Variants in RAPGEF3 observed in about 807,000 individuals in gnomAD.
RAPGEF3 encodes the protein Rap guanine nucleotide exchange factor 3, also known as 9330170P05Rik.
Under a neutral mutation model 129.8 loss-of-function variants are expected in RAPGEF3, and 103 were observed. The observed-to-expected ratio is 0.79, with a 90% CI of 0.68 to 0.93. RAPGEF3 has a LOEUF of 0.93. Among genes scored for constraint, RAPGEF3 ranks in the 40% least tolerant of loss-of-function variants. The pLI, the probability that RAPGEF3 is intolerant of heterozygous loss-of-function variation, is 0.00. For synonymous variants in RAPGEF3, 436 were observed against 482.6 expected (o/e 0.90, Z 1.26); for missense variants, 1,117 against 1,207.4 (o/e 0.93, Z 1.11).
At chr12:47,746,262 A>G (rs967850238) in intron 16 of RAPGEF3, 19 of 241,438 alleles carry the variant, frequency 7.9e-5, no homozygotes, top group African/African-American at 4.3e-4. Context: ...GCTGGGACAC[A>G]CAGTAGGGTG....
chr12:47,750,137 G>A (rs1200555024), intron 7 of RAPGEF3, 147 bp from the exon 8 acceptor site: 2 of 1,150,268 alleles, frequency 1.7e-6, no homozygotes, highest in Non-Finnish European at 2.6e-6. Flanking sequence ...TTCAGCAGGA[G>A]ACAAAGCAAG....
chr12:47,747,908 A>C (rs533449510), intron 13 of RAPGEF3, 46 bp from the exon 14 acceptor site: 1 of 1,596,816 alleles, frequency 6.3e-7, no homozygotes, highest in African/African-American at 1.3e-5. Flanking sequence ...AGGGCCACCC[A>C]CCTGAGGCAA....
chr12:47,749,850 T>C lies in RAPGEF3; in HGVS notation c.818-33A>G, dbSNP rs1941642282. ...AAGCATACCTCAGACCGGGCCCTCC[T>C]GGCACCTACCATTCCTTCACACATC... is the stretch of plus-strand genomic sequence containing the variant. On this transcript the variant is annotated intron_variant, in intron 8 of 27. Transcript: ENST00000449771. The surrounding 1 kb of genome is among the most constrained non-coding windows in gnomAD (Gnocchi z 4.5). 6.2e-7 allele frequency: 1 copy of C among 1,613,926 alleles called. No individual in the cohort carries two copies. Among genetic ancestry groups the C allele is most frequent in the Non-Finnish European group, 8.5e-7 (1 of 1,179,876 alleles).
intron 1 of RAPGEF3, 91 bp from the exon 2 acceptor site, chr12:47,758,169 A>G: frequency 6.7e-7 from 1 of 1,486,738 alleles, no homozygotes; most frequent in South Asian, 1.3e-5. Flanking sequence ...CTACTTCCTT[A>G]GAGTCCTCTG....
chr12:47,744,173 C>T, intron 16 of RAPGEF3, 105 bp from the exon 17 acceptor site: 1 of 898,866 alleles, frequency 1.1e-6, no homozygotes, highest in Non-Finnish European at 1.7e-6. Flanking sequence ...GGGCGCCACA[C>T]AGCATTCACA....
intron 15 of RAPGEF3, among the ~76,000 whole-genome samples, chr12:47,747,269 G>A (rs1435476173): frequency 2.0e-5 from 3 of 152,140 alleles, no homozygotes; most frequent in Admixed American, 2.0e-4. Context: ...TGGCACTGAG[G>A]GTATTTGGTA....
At position 47,740,751 on chromosome 12, in the gene RAPGEF3, T is replaced by A. The variant is rs1941106185; in HGVS notation, c.2122A>T (p.Met708Leu). The A allele has an allele frequency of 6.8e-6, 11 of 1,613,906 alleles. No individual in the cohort carries two copies. Among genetic ancestry groups the A allele is most frequent in the Non-Finnish European group, 9.3e-6 (11 of 1,179,986 alleles). The change falls in exon 21 of 28, where the codon ATG becomes TTG. Residue 708 changes from methionine (M) to leucine (L), a missense_variant. Met to Leu is a conservative substitution (Grantham distance 15). Coordinates refer to ENST00000449771, the MANE Select transcript of RAPGEF3 (RefSeq NM_001098531.4). ...TACTGCAGCTCATTGAAGCGGCGCA[T>A]GAAGCGCTCCAGGTTGGCGGTGGTG... ...DVTTANLERF[M>L]RRFNELQYWV...
At chr12:47,748,961 C>T (rs757632032) in intron 10 of RAPGEF3, 30 bp from the exon 11 acceptor site, 32 of 1,537,146 alleles carry the variant, frequency 2.1e-5, no homozygotes, top group Non-Finnish European at 2.8e-5. Context: ...CCATGCTCAA[C>T]TCATGATGTT....
chr12:47,741,734 T>TATTCTGAGCACCACCCA, intron 18 of RAPGEF3, 132 bp from the exon 19 acceptor site: 2 of 732,198 alleles, frequency 2.7e-6, no homozygotes, highest in Non-Finnish European at 4.7e-6. Context: ...AAGTCCTGGG[T>TATTCTGAGCACCACCCA]GGTGCTCAGA....
At position 47,751,760 on chromosome 12, in the gene RAPGEF3, G is replaced by A. The variant is rs1446586393; in HGVS notation, c.343C>T (p.Leu115Phe). 9.3e-6 allele frequency: 15 copies of A among 1,613,786 alleles called. No individual in the cohort carries two copies. Among genetic ancestry groups the A allele is most frequent in the Non-Finnish European group, 1.3e-5 (15 of 1,180,038 alleles). The change falls in exon 4 of 28, where the codon CTC (leucine) becomes TTC (phenylalanine). Residue 115 changes from leucine (L) to phenylalanine (F), a missense_variant. Leu to Phe is a conservative substitution (Grantham distance 22). Coordinates refer to ENST00000449771, the MANE Select transcript of RAPGEF3 (RefSeq NM_001098531.4). The stretch of plus-strand genomic sequence containing the variant: ...AGGTGGTACTTCCGGTCTCGGATGA[G>A]GTTTGGGCAGGTGGCCAGCAGATGC... ...HRHLLATCPN[L>F]IRDRKYHLRL...
chr12:47,741,476 T>C, intron 19 of RAPGEF3, 29 bp downstream of exon 19: 2 of 1,589,056 alleles, frequency 1.3e-6, no homozygotes, highest in South Asian at 2.2e-5. Context: ...ATCTCCTCCC[T>C]GGGCCCTGGC....
At chr12:47,739,509 C>A (rs1247419622) in intron 23 of RAPGEF3, 3 of 642,312 alleles carry the variant, frequency 4.7e-6, no homozygotes, top group Non-Finnish European at 8.5e-6. Context: ...CTATCCCTGT[C>A]TCTTTCTGTG....
chr12:47,738,269 AAG>A, intron 25 of RAPGEF3, 22 bp from the exon 26 acceptor site: 1 of 1,612,368 alleles, frequency 6.2e-7, no homozygotes. Context: ...ACCGGGGCAT[AAG>A]CTCTTGCCTG....
intron 27 of RAPGEF3, 27 bp downstream of exon 27, chr12:47,737,995 G>GCCC: frequency 1.4e-6 from 2 of 1,464,124 alleles, no homozygotes; most frequent in Non-Finnish European, 1.9e-6. Flanking sequence ...CCCCCTCCCT[G>GCCC]CCCACCCACC....
In RAPGEF3 at chr12:47,751,030, G is replaced by A. The variant is rs1941708743; in HGVS notation, c.671+18C>T. On this transcript the variant is annotated intron_variant, in intron 6 of 27. Coordinates refer to ENST00000449771, the MANE Select transcript of RAPGEF3 (RefSeq NM_001098531.4). ...TGTGTGAGGCCTGGGGTCACGGGGT[G>A]CAGGGATTCTGACTCACGGCTTTCG... The A allele has an allele frequency of 1.3e-6, 2 of 1,593,378 alleles. No individual in the cohort carries two copies. Among genetic ancestry groups the A allele is most frequent in the South Asian group, 1.1e-5 (1 of 87,164 alleles).
At position 47,751,914 on chromosome 12, in the gene RAPGEF3, A is replaced by T; in HGVS notation, c.273+2T>A. ...CCAGCTCCACCCTGCCCAGGCTTCTACCTGCTCCAGGCTCTCGCTGAAATC... is the reference window on the plus strand; with the variant it reads ...CCAGCTCCACCCTGCCCAGGCTTCTTCCTGCTCCAGGCTCTCGCTGAAATC... On this transcript the variant is annotated splice_donor_variant, in intron 3 of 27. Coordinates refer to ENST00000449771, the MANE Select transcript of RAPGEF3 (RefSeq NM_001098531.4). LOFTEE classifies it high-confidence loss of function. The T allele has an allele frequency of 6.2e-7, 1 of 1,614,130 alleles. No homozygotes were observed. Among genetic ancestry groups the T allele is most frequent in the Non-Finnish European group, 8.5e-7 (1 of 1,180,004 alleles).
At position 47,738,729 on chromosome 12, in the gene RAPGEF3, G is replaced by C; in HGVS notation, c.2487C>G (p.Asn829Lys). The change falls in exon 25 of 28, where the codon AAC (asparagine) becomes AAG (lysine). Residue 829 changes from asparagine to lysine, a missense_variant. Physicochemically the swap from Asn to Lys is moderately conservative, Grantham distance 94. Around this residue, in one of 3 missense-constraint regions of RAPGEF3, gnomAD observed 643 missense variants for 673.4 expected, o/e 0.95. Transcript: ENST00000449771. ...TGATGAGATTCTCCACTAGTGTGTG[G>C]TTTCCCTCATGAATGAAGGTCATGT... Reference protein sequence around the residue: ...LKDMTFIHEGNHTLVENLINF... With the variant: ...LKDMTFIHEGKHTLVENLINF... 1 of 1,611,180 alleles carries C rather than the reference G, an allele frequency of 6.2e-7. No homozygotes were observed. The highest frequency in any genetic ancestry group is 8.5e-7 in the Non-Finnish European group (1 of 1,177,368).
At chr12:47,740,501 G>A (rs546710839) in intron 21 of RAPGEF3, 106 bp from the exon 22 acceptor site, 1 of 1,480,896 alleles carries the variant, frequency 6.8e-7, no homozygotes, top group Non-Finnish European at 9.3e-7. Context: ...AAGCTGGATG[G>A]GGTGGGAAGG....
chr12:47,747,831 G>A lies in RAPGEF3; in HGVS notation c.1354C>T (p.Gln452Ter), dbSNP rs777176321. Reference protein sequence around the residue: ...FHVEPAGGSEQERSTYVCNKR... With the variant: ...FHVEPAGGSE ...TTGCAGACGTAGGTGCTGCGCTCCT[G>A]CTCGCTGCCACCCGCAGGCTCCACA... is the stretch of plus-strand genomic sequence containing the variant. Residue 452 changes from glutamine (Q) to a stop codon, truncating the protein, a stop_gained, in exon 14 of 28, where the codon CAG becomes TAG. Coordinates refer to ENST00000449771, the MANE Select transcript of RAPGEF3 (RefSeq NM_001098531.4). LOFTEE classifies it high-confidence loss of function. 2 of 1,604,910 alleles carry A rather than the reference G, an allele frequency of 1.2e-6. No individual in the cohort carries two copies. The highest frequency in any genetic ancestry group is 1.1e-5 in the South Asian group (1 of 91,084).
Sources: gnomAD v4.1 joint callset for allele counts (sites outside exome capture counted in the v4.1 genomes callset) on GRCh38, gnomAD v4.1.1 for gene constraint, gnomAD v4.1.1 regional missense constraint, Gnocchi (gnomAD v3.1) non-coding constraint, MANE v1.5 for transcripts, NCBI Gene and HGNC (gene_info 2026-07-23, HGNC 2026-07-21) for gene names.